The following NFYC variants were observed in gnomAD, a reference collection of about 807,000 sequenced individuals.
NFYC encodes the protein CAAT box DNA-binding protein subunit C.
A neutral mutation model predicts 53.1 loss-of-function variants in NFYC; 25 were observed. The ratio of observed to expected loss-of-function variants is 0.47; its 90% confidence interval spans 0.34 to 0.66. The LOEUF (loss-of-function observed/expected upper bound fraction) is 0.66. Ranked by LOEUF, NFYC falls within the 30% of genes least tolerant of loss-of-function variation. The pLI is 0.01. For missense variants in NFYC, 260 were observed against 422.7 expected (o/e 0.62, Z 3.38); for synonymous variants, 145 against 152.6 (o/e 0.95, Z 0.37).
chr1:40,752,067 A>T (rs905680636), intron 4 of NFYC, among the ~76,000 whole-genome samples: 3 of 152,194 alleles, frequency 2.0e-5, no homozygotes, highest in Admixed American at 6.5e-5. Context: ...TGGTATATAG[A>T]GTTTGCTAAG....
chr1:40,749,398 CCCTGTTA>C (rs1449289087), intron 3 of NFYC, among the ~76,000 whole-genome samples, 168 bp from the exon 4 acceptor site: 1 of 152,184 alleles, frequency 6.6e-6, no homozygotes, highest in African/African-American at 2.4e-5. Flanking sequence ...TATTCTTTCT[CCCTGTTA>C]CCTGCTTTGT....
intron 1 of NFYC, among the ~76,000 whole-genome samples, chr1:40,707,493 AAG>A (rs143837443): frequency 0.51 from 70,919 of 139,940 alleles, 18,018 homozygotes; most frequent in Non-Finnish European, 0.57. Context: ...AAAAAAAAAA[AAG>A]AGAGAGAGAG....
chr1:40,729,662 C>CTTG (rs1382711661), intron 1 of NFYC, among the ~76,000 whole-genome samples: 1 of 151,124 alleles, frequency 6.6e-6, no homozygotes, highest in East Asian at 1.9e-4. Context: ...AGGCCTAGCT[C>CTTG]TTGGTCCATC....
intron 3 of NFYC, among the ~76,000 whole-genome samples, chr1:40,749,366 C>T (rs1645785928): frequency 6.6e-6 from 1 of 152,138 alleles, no homozygotes; most frequent in African/African-American, 2.4e-5. Context: ...CAAGGTTTGG[C>T]GCATGGTATG....
At chr1:40,721,987 G>A (rs112122895) in intron 1 of NFYC, among the ~76,000 whole-genome samples, 2,788 of 152,140 alleles carry the variant, frequency 0.018, 40 homozygotes, top group Non-Finnish European at 0.024. Context: ...TGGCTAACAC[G>A]GTGAAACCCT....
chr1:40,707,633 A>G (rs893650513), intron 1 of NFYC, among the ~76,000 whole-genome samples: 1 of 151,478 alleles, frequency 6.6e-6, no homozygotes, highest in African/African-American at 2.4e-5. Context: ...GTGAGAACCC[A>G]TCTCTACCAA....
intron 1 of NFYC, among the ~76,000 whole-genome samples, chr1:40,722,552 AC>A (rs1165749834): frequency 6.6e-6 from 1 of 152,258 alleles, no homozygotes; most frequent in Non-Finnish European, 1.5e-5. Flanking sequence ...GACTCTTCAG[AC>A]CAGTAGTTGG....
At position 40,749,690 on chromosome 1, in the gene NFYC, T is replaced by C. The variant is rs768400682; in HGVS notation, c.291+4T>C. The C allele has an allele frequency of 6.2e-7, 1 of 1,612,102 alleles. No individual in the cohort carries two copies. Among genetic ancestry groups the C allele is most frequent in the Admixed American group, 1.7e-5 (1 of 60,014 alleles). ...TAACAAGCGCCGGACTCTACAGGTA[T>C]TATTGCAGACTTAGATTAGGAAAAC... On this transcript the variant is annotated splice_donor_region_variant and intron_variant, in intron 4 of 9. Coordinates refer to ENST00000447388, the MANE Select transcript of NFYC (RefSeq NM_014223.5).
intron 1 of NFYC, among the ~76,000 whole-genome samples, chr1:40,725,112 A>C (rs1644463411): frequency 6.6e-6 from 1 of 152,172 alleles, no homozygotes; most frequent in Non-Finnish European, 1.5e-5. Flanking sequence ...AAGGGTTTAG[A>C]ATGTAAGTAA....
At position 40,771,488 on chromosome 1, in the gene NFYC, CTTTG is replaced by C. The variant is rs969495811; in HGVS notation, c.*662_*665del. The C allele has an allele frequency of 1.1e-5, 5 of 468,190 alleles. No individual in the cohort carries two copies. The highest frequency in any genetic ancestry group is 1.0e-4 in the African/African-American group (5 of 50,074). 29.0% of individuals were successfully genotyped at this position (468,190 alleles called of 1,614,324 possible). ...CTCCCAGGGACCCAGGAAACTAGGA[CTTTG>C]TGTGTTTGCTGCCCACCTCCCTTTT... On this transcript the variant is annotated 3_prime_UTR_variant, in exon 10 of 10. Coordinates refer to ENST00000447388, the MANE Select transcript of NFYC (RefSeq NM_014223.5).
chr1:40,726,686 G>A (rs192003084), intron 1 of NFYC, among the ~76,000 whole-genome samples: 27 of 152,338 alleles, frequency 1.8e-4, no homozygotes, highest in Admixed American at 1.8e-3. Flanking sequence ...CAAAGTGCTG[G>A]GATTACTGGC....
intron 1 of NFYC, among the ~76,000 whole-genome samples, chr1:40,702,363 G>A (rs1406957757): frequency 7.2e-6 from 1 of 137,972 alleles, no homozygotes; most frequent in Admixed American, 7.6e-5. Flanking sequence ...TTTTTTTCGA[G>A]AGGGAGTCTC....
rs116336132 is a variant in NFYC, at chr1:40,752,035, C to T, written c.292-1116C>T. Reference sequence around the variant, plus strand: ...AATTTCCATCCTCTCCTGTTTTGTCCGATGAGTCACCTTTTAAGGTGTGGT... The same window carrying T: ...AATTTCCATCCTCTCCTGTTTTGTCTGATGAGTCACCTTTTAAGGTGTGGT... On this transcript the variant is annotated intron_variant, in intron 4 of 9. Transcript: ENST00000447388. Among the ~76,000 whole-genome samples, 756 of 152,150 alleles carry T rather than the reference C, an allele frequency of 5.0e-3. 5 individuals are homozygous for T. Among genetic ancestry groups the T allele is most frequent in the African/African-American group, 0.018 (730 of 41,494 alleles).
At chr1:40,713,833 A>G (rs1053132731) in intron 1 of NFYC, among the ~76,000 whole-genome samples, 5 of 152,172 alleles carry the variant, frequency 3.3e-5, no homozygotes, top group Non-Finnish European at 5.9e-5. Flanking sequence ...GGACTTCTGT[A>G]TAGGCTTGCT....
intron 1 of NFYC, among the ~76,000 whole-genome samples, chr1:40,737,056 G>A (rs1645064567): frequency 6.7e-6 from 1 of 150,292 alleles, no homozygotes; most frequent in African/African-American, 2.5e-5. Context: ...GAACCTGGGA[G>A]GCAGAGGTTG....
chr1:40,701,800 A>C (rs1242772435), intron 1 of NFYC, among the ~76,000 whole-genome samples: 4 of 152,228 alleles, frequency 2.6e-5, no homozygotes, highest in Non-Finnish European at 5.9e-5. Context: ...TTTATTGAAC[A>C]AATGAAATTT....
intron 5 of NFYC, 63 bp from the exon 6 acceptor site, chr1:40,758,058 T>C: frequency 6.3e-7 from 1 of 1,585,340 alleles, no homozygotes; most frequent in South Asian, 1.1e-5. Flanking sequence ...AGAGTGGAAA[T>C]TCACTGTGGC....
In NFYC at chr1:40,763,054, C is replaced by G. The variant is rs1216489164; in HGVS notation, c.720+8C>G. The G allele has an allele frequency of 1.3e-6, 2 of 1,583,974 alleles. No homozygotes were observed. Among genetic ancestry groups the G allele is most frequent in the African/African-American group, 2.7e-5 (2 of 74,000 alleles). On this transcript the variant is annotated splice_region_variant and intron_variant, in intron 7 of 9. Transcript: ENST00000447388. ...GAGATCCAGCAGATCCCGGTGAGTC[C>G]TGCCCTGAGGTCTGTCTTTACAACT...
At chr1:40,756,971 T>C (rs1646260333) in intron 5 of NFYC, among the ~76,000 whole-genome samples, 1 of 152,236 alleles carries the variant, frequency 6.6e-6, no homozygotes, top group Admixed American at 6.5e-5. Context: ...TGAGGGCACC[T>C]AACATAGTGT....
Sources: gnomAD v4.1 joint callset for allele counts (sites outside exome capture counted in the v4.1 genomes callset) on GRCh38, gnomAD v4.1.1 for gene constraint, MANE v1.5 for transcripts, NCBI Gene and HGNC (gene_info 2026-07-23, HGNC 2026-07-21) for gene names.